The following CDK13 variants were observed in gnomAD, a reference collection of about 807,000 sequenced individuals.
CDK13 encodes cyclin-dependent kinase 13.
In CDK13, 40 loss-of-function variants were observed where a neutral mutation model predicts 137.6. That is an observed-to-expected ratio of 0.29 (90% CI 0.23 to 0.38). The LOEUF is 0.38. Ranked by LOEUF, CDK13 falls within the 10% of genes least tolerant of loss-of-function variation. The pLI, the probability that CDK13 is intolerant of heterozygous loss-of-function variation, is 1.00. For synonymous variants in CDK13, 869 were observed against 760.1 expected, an observed-to-expected ratio of 1.14 and a Z score of -2.36; for missense variants, 1,704 against 1,951.8, an observed-to-expected ratio of 0.87 and a Z score of 2.39.
At chr7:40,064,017 T>G (rs1054454916) in intron 9 of CDK13, among the ~76,000 whole-genome samples, 3 of 152,046 alleles carry the variant, frequency 2.0e-5, no homozygotes, top group African/African-American at 4.8e-5. Flanking sequence ...AGGCACGGTT[T>G]CTCACGCCCG....
In CDK13 at chr7:40,097,796, C is replaced by T. The variant is rs1787076976; in HGVS notation, c.*2816C>T. 6.6e-6 allele frequency: 1 copy of T among 152,006 alleles called. No individual in the cohort carries two copies. The highest frequency in any genetic ancestry group is 2.4e-5 in the African/African-American group (1 of 41,414). The allele number at this position is 152,006 out of a possible 1,614,324, so 9.4% of individuals were successfully genotyped here. A position where few individuals can be genotyped will look rare whatever the true frequency, so the allele number is the denominator to read the frequency against. ...GAGAGTTGCAAGTCATTTGTGAAAC[C>T]TTAAAATGCCAATTTTAAGGAGTTG... On this transcript the variant is annotated 3_prime_UTR_variant, in exon 14 of 14. Transcript: ENST00000181839.
intron 5 of CDK13, among the ~76,000 whole-genome samples, chr7:40,023,879 AT>A (rs1785182990): frequency 6.6e-6 from 1 of 152,154 alleles, no homozygotes; most frequent in South Asian, 2.1e-4. Context: ...CAAAGATAGG[AT>A]TTCAGGGCTA....
intron 1 of CDK13, among the ~76,000 whole-genome samples, chr7:39,974,816 G>A (rs893119031): frequency 1.1e-4 from 17 of 152,104 alleles, no homozygotes; most frequent in African/African-American, 3.9e-4. Flanking sequence ...CACCCACCTT[G>A]ACCTCCCAAA....
chr7:39,978,995 A>G (rs907720672), intron 1 of CDK13, among the ~76,000 whole-genome samples: 4 of 152,176 alleles, frequency 2.6e-5, no homozygotes, highest in Admixed American at 2.0e-4. Flanking sequence ...AAGTAAAGCT[A>G]TGCTATGAGA....
chr7:40,056,706 C>T (rs979965772), intron 7 of CDK13, among the ~76,000 whole-genome samples: 2 of 152,314 alleles, frequency 1.3e-5, no homozygotes, highest in Middle Eastern at 3.4e-3. Context: ...ATGACTATAG[C>T]TAGAACCAAG....
intron 5 of CDK13, among the ~76,000 whole-genome samples, chr7:40,029,588 C>T (rs570580939): frequency 2.7e-5 from 4 of 149,976 alleles, no homozygotes; most frequent in East Asian, 3.9e-4. Flanking sequence ...GGCGTGATGG[C>T]GCGCGCCTGT....
intron 1 of CDK13, among the ~76,000 whole-genome samples, chr7:39,971,110 T>C (rs1262360535): frequency 6.6e-6 from 1 of 152,254 alleles, no homozygotes; most frequent in Non-Finnish European, 1.5e-5. Flanking sequence ...GCTTCAACCA[T>C]TGGATTTCAA....
intron 9 of CDK13, 49 bp from the exon 10 acceptor site, chr7:40,077,956 A>G: frequency 1.3e-6 from 1 of 770,108 alleles, no homozygotes; most frequent in Non-Finnish European, 2.1e-6. Context: ...AGTTGTATGT[A>G]TTCTTTATGT....
intron 5 of CDK13, among the ~76,000 whole-genome samples, chr7:40,022,772 T>G (rs1331895870): frequency 1.3e-5 from 2 of 152,024 alleles, no homozygotes; most frequent in African/African-American, 4.8e-5. Context: ...TTAATTTGCT[T>G]ACTCCTGTTA....
intron 10 of CDK13, chr7:40,078,351 T>TTA: frequency 2.7e-6 from 1 of 368,920 alleles, no homozygotes. Context: ...AGAACTTTAA[T>TTA]AAGATCATTT....
At chr7:40,003,153 T>TACACACACACAC (rs71560157) in intron 5 of CDK13, among the ~76,000 whole-genome samples, 90 of 119,940 alleles carry the variant, frequency 7.5e-4, no homozygotes, top group Admixed American at 2.4e-3. Flanking sequence ...CTTCCCCAGC[T>TACACACACACAC]ACACACACAC....
chr7:40,042,430 T>C (rs1317838055), intron 5 of CDK13, among the ~76,000 whole-genome samples: 1 of 151,398 alleles, frequency 6.6e-6, no homozygotes, highest in African/African-American at 2.4e-5. Context: ...GATATTAATC[T>C]AGTATATGTT....
rs1359649785 is a variant in CDK13, at chr7:40,021,108, T to TACACACACACAC, written c.2353+19078_2353+19079insCACACACACACA. On this transcript the variant is annotated intron_variant, in intron 5 of 13. Coordinates refer to ENST00000181839, the MANE Select transcript of CDK13 (RefSeq NM_003718.5). ...CCATCTCAGAGCAAACAAACGTATATATATATATATATATACACACACACA... is the reference window on the plus strand; with the variant it reads ...CCATCTCAGAGCAAACAAACGTATATACACACACACACATATATATATATATACACACACACA... 6.8e-4 allele frequency among the ~76,000 whole-genome samples: 49 copies of TACACACACACAC among 72,498 alleles called. No homozygotes were observed. The East Asian group carries it at 0.013, about 19-fold the overall frequency. The allele number at this position is 72,498 out of a possible 152,430, so 47.6% of individuals were successfully genotyped here.
intron 2 of CDK13, among the ~76,000 whole-genome samples, chr7:39,992,179 T>TGC (rs1365407394): frequency 3.3e-5 from 5 of 151,512 alleles, no homozygotes; most frequent in African/African-American, 1.2e-4. Flanking sequence ...TGTGTGTGTG[T>TGC]GTGTGTGTGT....
At chr7:40,042,442 T>C (rs1785628442) in intron 5 of CDK13, among the ~76,000 whole-genome samples, 2 of 151,386 alleles carry the variant, frequency 1.3e-5, no homozygotes, top group African/African-American at 2.4e-5. Flanking sequence ...GTATATGTTA[T>C]AGATACTTCT....
At chr7:40,042,326 C>T (rs1460431203) in intron 5 of CDK13, among the ~76,000 whole-genome samples, 5 of 151,764 alleles carry the variant, frequency 3.3e-5, no homozygotes, top group Non-Finnish European at 7.4e-5. Flanking sequence ...AGTGATCCGC[C>T]CACCTCGGCC....
At chr7:40,012,073 CAGTG>C (rs1238602589) in intron 5 of CDK13, among the ~76,000 whole-genome samples, 3 of 152,126 alleles carry the variant, frequency 2.0e-5, no homozygotes, top group Non-Finnish European at 4.4e-5. Context: ...ATCAAAACCA[CAGTG>C]AGTTACCACT....
chr7:40,062,811 TTC>T lies in CDK13; in HGVS notation c.2601-13_2601-12del. Reference sequence around the variant, plus strand: ...ACAAATACTAACTCTAAAGACTGTTTTCTGTGTTTTTTAGTCGGCCGTATACT... The same window carrying T: ...ACAAATACTAACTCTAAAGACTGTTTTGTGTTTTTTAGTCGGCCGTATACT... On this transcript the variant is annotated splice_polypyrimidine_tract_variant and intron_variant, in intron 7 of 13. Coordinates refer to ENST00000181839, the MANE Select transcript of CDK13 (RefSeq NM_003718.5). 6.4e-7 allele frequency: 1 copy of T among 1,554,844 alleles called. No homozygotes were observed.
At position 40,079,081 on chromosome 7, in the gene CDK13, A is replaced by C. The variant is rs1035108840; in HGVS notation, c.3029+230A>C. Among the ~76,000 whole-genome samples, 30 of 152,216 alleles carry C rather than the reference A, an allele frequency of 2.0e-4. 3 individuals carry two copies. Among genetic ancestry groups the C allele is most frequent in the Admixed American group, 1.4e-3 (21 of 15,280 alleles). On this transcript the variant is annotated intron_variant, in intron 11 of 13. Transcript: ENST00000181839. ...AAACAGCTGCCTTCTAGCTAATTTT[A>C]GGCTTGATTGACCTCAAGATTTAAT...
Sources: gnomAD v4.1 joint callset for allele counts (sites outside exome capture counted in the v4.1 genomes callset) on GRCh38, gnomAD v4.1.1 for gene constraint, MANE v1.5 for transcripts, NCBI Gene and HGNC (gene_info 2026-07-23, HGNC 2026-07-21) for gene names.